The following RBM39 variants were observed in gnomAD, a reference collection of about 807,000 sequenced individuals.
RBM39 encodes the protein RNA-binding protein 39.
A neutral mutation model predicts 79.6 loss-of-function variants in RBM39; 12 were observed. That is an observed-to-expected ratio of 0.15 (90% CI 0.10 to 0.24). The LOEUF (loss-of-function observed/expected upper bound fraction) is 0.24, where lower values mean the gene tolerates loss of function less well. Among genes scored for constraint, RBM39 ranks in the 10% least tolerant of loss-of-function variants. The probability of loss-of-function intolerance (pLI) is 1.00; values close to 1 mark genes in which losing one functional copy is unlikely to be tolerated. For synonymous variants in RBM39, 185 were observed against 208.4 expected, an observed-to-expected ratio of 0.89 and a Z score of 0.97; for missense variants, 243 against 653.4, an observed-to-expected ratio of 0.37 and a Z score of 6.85.
At chr20:35,727,884 G>C (rs538589025) in intron 6 of RBM39, among the ~76,000 whole-genome samples, 3 of 152,086 alleles carry the variant, frequency 2.0e-5, no homozygotes, top group Admixed American at 2.0e-4. Flanking sequence ...TCTGACCTCA[G>C]GTGATCCGCC....
At chr20:35,734,957 A>T in intron 3 of RBM39, 1 of 1,605,796 alleles carries the variant, frequency 6.2e-7, no homozygotes, top group Non-Finnish European at 8.5e-7. Flanking sequence ...TCACTGAAGT[A>T]AATGGTCCAC....
At chr20:35,710,293 G>A (rs1179591187) in intron 12 of RBM39, 2 of 152,130 alleles carry the variant, frequency 1.3e-5, no homozygotes, top group East Asian at 3.8e-4. Flanking sequence ...CTGGGTCCTA[G>A]GTGCTCAAAA....
At chr20:35,739,212 A>T in intron 2 of RBM39, 195 bp from the exon 3 acceptor site, 1 of 617,754 alleles carries the variant, frequency 1.6e-6, no homozygotes, top group Admixed American at 3.0e-5. Flanking sequence ...CATTTAAGTC[A>T]TCAAGATACA....
intron 12 of RBM39, 147 bp downstream of exon 12, chr20:35,712,872 A>G: frequency 4.9e-6 from 3 of 613,622 alleles, no homozygotes; most frequent in South Asian, 4.4e-5. Context: ...CTATGTCTCC[A>G]CTTCCTTAAA....
chr20:35,735,132 A>T, intron 3 of RBM39: 1 of 1,454,174 alleles, frequency 6.9e-7, no homozygotes, highest in Non-Finnish European at 9.0e-7. Flanking sequence ...AAATTTATAG[A>T]TAATCCACAC....
chr20:35,731,720 C>T (rs767188685), intron 4 of RBM39: 54 of 558,330 alleles, frequency 9.7e-5, no homozygotes, highest in Non-Finnish European at 1.4e-4. Flanking sequence ...GATAGTTTAA[C>T]AGAAAATAGT....
At chr20:35,728,065 G>C (rs759256907) in intron 6 of RBM39, among the ~76,000 whole-genome samples, 1 of 152,132 alleles carries the variant, frequency 6.6e-6, no homozygotes, top group Non-Finnish European at 1.5e-5. Context: ...GGGATTACCC[G>C]CGTGAGCCAC....
chr20:35,729,389 A>G (rs1171650751), intron 5 of RBM39, 24 bp from the exon 6 acceptor site: 1 of 1,604,366 alleles, frequency 6.2e-7, no homozygotes, highest in African/African-American at 1.3e-5. Flanking sequence ...AAGTTTCAGA[A>G]GTTATCCAAA....
intron 14 of RBM39, 132 bp downstream of exon 14, chr20:35,706,988 T>A: frequency 2.4e-6 from 1 of 415,442 alleles, no homozygotes. Flanking sequence ...GATCGCGCCA[T>A]TGCACTCCAG....
chr20:35,725,374 T>C (rs2038524861), intron 6 of RBM39, among the ~76,000 whole-genome samples: 2 of 152,088 alleles, frequency 1.3e-5, no homozygotes, highest in South Asian at 4.1e-4. Flanking sequence ...CAACAATATT[T>C]CCATCTTTAG....
intron 11 of RBM39, chr20:35,713,686 A>C (rs1359829412): frequency 6.7e-6 from 1 of 149,194 alleles, no homozygotes; most frequent in Non-Finnish European, 1.5e-5. Context: ...AAAAAAAAAA[A>C]AAAAAAAAAA....
At position 35,703,535 on chromosome 20, in the gene RBM39, T is replaced by C. The variant is rs1267603956; in HGVS notation, c.*946A>G. The C allele has an allele frequency of 2.6e-5, 4 of 152,472 alleles. No individual in the cohort carries two copies. The highest frequency in any genetic ancestry group is 7.2e-5 in the African/African-American group (3 of 41,468). 9.4% of individuals were successfully genotyped at this position (152,472 alleles called of 1,614,324 possible). On this transcript the variant is annotated 3_prime_UTR_variant, in exon 17 of 17. Transcript: ENST00000253363. ...ATTTTCCCAAGAGGCAAGTACTGAA[T>C]TGAGACTAAAAGAAGCTAATTCTGT...
At chr20:35,719,798 T>C (rs910669935) in intron 9 of RBM39, among the ~76,000 whole-genome samples, 51 of 152,342 alleles carry the variant, frequency 3.3e-4, no homozygotes, top group Non-Finnish European at 6.9e-4. Flanking sequence ...TCCATGATTA[T>C]TCTTTTTCTT....
chr20:35,704,916 T>C lies in RBM39; in HGVS notation c.1414-170A>G, dbSNP rs2035534621. On this transcript the variant is annotated intron_variant, in intron 15 of 16. Transcript: ENST00000253363. ...ACTAGAATTTTATTAAAAAATGACTTCTACTCTCAAATTTGCCGTTTTATC... is the reference window on the plus strand; with the variant it reads ...ACTAGAATTTTATTAAAAAATGACTCCTACTCTCAAATTTGCCGTTTTATC... 4.5e-5 allele frequency: 28 copies of C among 621,992 alleles called. No individual in the cohort carries two copies. The South Asian group carries it at 5.8e-4, about 13-fold the overall frequency. 38.5% of individuals were successfully genotyped at this position (621,992 alleles called of 1,614,324 possible). A position where few individuals can be genotyped will look rare whatever the true frequency, so the allele number is the denominator to read the frequency against.
chr20:35,722,536 T>G (rs565863705), intron 8 of RBM39, among the ~76,000 whole-genome samples: 2 of 142,006 alleles, frequency 1.4e-5, no homozygotes, highest in African/African-American at 2.7e-5. Context: ...TAAGTGATCA[T>G]CCTTCCTTCT....
chr20:35,737,897 T>C (rs2040130744), intron 3 of RBM39, among the ~76,000 whole-genome samples: 1 of 143,658 alleles, frequency 7.0e-6, no homozygotes, highest in Non-Finnish European at 1.5e-5. Context: ...CTCACACCTG[T>C]AATCCCAACA....
chr20:35,735,203 C>G, intron 3 of RBM39: 2 of 1,304,938 alleles, frequency 1.5e-6, no homozygotes, highest in Non-Finnish European at 9.9e-7. Context: ...GAGTAATTCT[C>G]TAAAGAGCTT....
chr20:35,702,972 G>C lies in RBM39; in HGVS notation c.*1509C>G, dbSNP rs1435539569. 6.6e-6 allele frequency: 1 copy of C among 152,016 alleles called. No homozygotes were observed. The highest frequency in any genetic ancestry group is 2.4e-5 in the African/African-American group (1 of 41,390). The allele number at this position is 152,016 out of a possible 1,614,324, so 9.4% of individuals were successfully genotyped here. On this transcript the variant is annotated 3_prime_UTR_variant, in exon 17 of 17. Coordinates refer to ENST00000253363, the MANE Select transcript of RBM39 (RefSeq NM_184234.3). ...AAATTAAATCACTAGAACAATTATT[G>C]GGATAAATGTCAAACAAAACGACTG...
At chr20:35,707,098 A>G (rs1214967496) in intron 14 of RBM39, 22 bp downstream of exon 14, 2 of 1,430,258 alleles carry the variant, frequency 1.4e-6, no homozygotes, top group Admixed American at 4.1e-5. Context: ...AGGAAATATC[A>G]AGAATAAAGT....
Sources: gnomAD v4.1 joint callset for allele counts (sites outside exome capture counted in the v4.1 genomes callset) on GRCh38, gnomAD v4.1.1 for gene constraint, MANE v1.5 for transcripts, NCBI Gene and HGNC (gene_info 2026-07-23, HGNC 2026-07-21) for gene names.